Variants in UNC13C observed in about 807,000 individuals in gnomAD.
UNC13C encodes protein unc-13 homolog C.
Under a neutral mutation model 245.4 loss-of-function variants are expected in UNC13C, and 174 were observed. That is an observed-to-expected ratio of 0.71 (90% CI 0.63 to 0.80). The LOEUF is 0.80. Ranked by LOEUF, UNC13C falls within the 30% of genes least tolerant of loss-of-function variation. The probability of loss-of-function intolerance (pLI) is 0.00; values close to 1 mark genes in which losing one functional copy is unlikely to be tolerated. For synonymous variants in UNC13C, 992 were observed against 895.1 expected (o/e 1.11, Z -1.93); for missense variants, 2,829 against 2,602.9 (o/e 1.09, Z -1.89).
the UNC13C span, among the ~76,000 whole-genome samples, chr15:53,924,240 CAAAA>C: frequency 2.8e-5 from 4 of 141,884 alleles, no homozygotes; most frequent in African/African-American, 9.9e-5. Context: ...AAAACAAAAA[CAAAA>C]AAAGAGATAG....
chr15:54,354,084 C>T (rs7172089), intron 17 of UNC13C, among the ~76,000 whole-genome samples: 69,895 of 151,868 alleles, frequency 0.46, 16,423 homozygotes, highest in East Asian at 0.73. Context: ...GAAATCAAAC[C>T]CACCTGGATT....
chr15:53,964,353 T>C, the UNC13C span, among the ~76,000 whole-genome samples: 2 of 152,206 alleles, frequency 1.3e-5, no homozygotes, highest in South Asian at 2.1e-4. Flanking sequence ...GAATACTGTA[T>C]GGAAGTAGGC....
At chr15:54,054,166 A>G (rs1353556896) in intron 2 of UNC13C, among the ~76,000 whole-genome samples, 4 of 152,284 alleles carry the variant, frequency 2.6e-5, no homozygotes, top group Non-Finnish European at 4.4e-5. Flanking sequence ...GGAGTATATC[A>G]TAGCTCTATT....
At chr15:54,447,254 C>G (rs1485416853) in intron 19 of UNC13C, among the ~76,000 whole-genome samples, 1 of 148,802 alleles carries the variant, frequency 6.7e-6, no homozygotes, top group Admixed American at 6.7e-5. Flanking sequence ...AAAATTCTCT[C>G]TGCCAGGCTT....
At chr15:54,468,407 G>A (rs1168210685) in intron 19 of UNC13C, among the ~76,000 whole-genome samples, 4 of 151,594 alleles carry the variant, frequency 2.6e-5, no homozygotes, top group African/African-American at 4.8e-5. Context: ...TCCATGGGTT[G>A]TCTCTTCACT....
chr15:54,479,337 C>G (rs1370754894), intron 19 of UNC13C, among the ~76,000 whole-genome samples: 1 of 151,916 alleles, frequency 6.6e-6, no homozygotes, highest in East Asian at 1.9e-4. Flanking sequence ...TAATGTTCTT[C>G]TTTTTCTCTT....
chr15:54,377,561 TATAAG>T (rs2039632790), intron 17 of UNC13C, among the ~76,000 whole-genome samples: 1 of 152,236 alleles, frequency 6.6e-6, no homozygotes, highest in South Asian at 2.1e-4. Context: ...TTCAGACTGT[TATAAG>T]AAAAGTCCTT....
At chr15:54,576,912 T>C (rs1897979623) in intron 30 of UNC13C, among the ~76,000 whole-genome samples, 1 of 152,232 alleles carries the variant, frequency 6.6e-6, no homozygotes, top group Non-Finnish European at 1.5e-5. Flanking sequence ...TAGTGAGTTA[T>C]AGAACAAATG....
intron 4 of UNC13C, among the ~76,000 whole-genome samples, chr15:54,224,260 G>A (rs1315175386): frequency 6.6e-6 from 1 of 152,102 alleles, no homozygotes; most frequent in Non-Finnish European, 1.5e-5. Context: ...TATGTTACTA[G>A]CTGTGTGTCT....
At chr15:54,261,406 G>A (rs940118927) in intron 8 of UNC13C, among the ~76,000 whole-genome samples, 1 of 152,184 alleles carries the variant, frequency 6.6e-6, no homozygotes, top group African/African-American at 2.4e-5. Context: ...GCAATGGAAA[G>A]TACTTGTAAA....
chr15:54,175,448 C>T (rs1359001043), intron 4 of UNC13C, among the ~76,000 whole-genome samples: 1 of 151,722 alleles, frequency 6.6e-6, no homozygotes, highest in Non-Finnish European at 1.5e-5. Context: ...CAAATGAATC[C>T]TCTTTCCAGT....
chr15:54,479,719 G>GTT (rs60941471), intron 19 of UNC13C, among the ~76,000 whole-genome samples: 10 of 149,394 alleles, frequency 6.7e-5, no homozygotes, highest in Admixed American at 5.3e-4. Context: ...ATTCCTTTTA[G>GTT]TTTTTTTTTC....
intron 25 of UNC13C, among the ~76,000 whole-genome samples, chr15:54,527,197 T>C (rs185531420): frequency 4.3e-4 from 65 of 152,320 alleles, no homozygotes; most frequent in Middle Eastern, 3.4e-3. Context: ...TGGAGAAACA[T>C]AGATTGTTCC....
intron 10 of UNC13C, among the ~76,000 whole-genome samples, chr15:54,265,973 C>T (rs573078160): frequency 2.2e-4 from 34 of 152,044 alleles, no homozygotes; most frequent in East Asian, 3.9e-4. Flanking sequence ...GCACATTCCA[C>T]GAGGGCATTT....
intron 2 of UNC13C, among the ~76,000 whole-genome samples, chr15:54,097,685 T>TAGTAGTAATTCATCC (rs1185096989): frequency 1.8e-4 from 27 of 152,194 alleles, no homozygotes; most frequent in Non-Finnish European, 3.2e-4. Context: ...GTAATTCATC[T>TAGTAGTAATTCATCC]AGTAGTAATT....
At chr15:54,396,192 C>T (rs912078602) in intron 18 of UNC13C, among the ~76,000 whole-genome samples, 144 of 151,660 alleles carry the variant, frequency 9.5e-4, no homozygotes, top group African/African-American at 3.2e-3. Context: ...AAAATTATTG[C>T]TATTTTCAAA....
chr15:54,419,973 T>A (rs1009258113), intron 19 of UNC13C, among the ~76,000 whole-genome samples: 1 of 152,082 alleles, frequency 6.6e-6, no homozygotes, highest in Non-Finnish European at 1.5e-5. Context: ...TCTTTCTCTC[T>A]CCCTCTTACA....
At chr15:53,980,190 C>T (rs1473306151) in intron 1 of UNC13C, among the ~76,000 whole-genome samples, 2 of 152,148 alleles carry the variant, frequency 1.3e-5, no homozygotes, top group Non-Finnish European at 2.9e-5. Context: ...AACTATAAAC[C>T]TCATTTTTGC....
the UNC13C span, among the ~76,000 whole-genome samples, chr15:53,904,411 A>T: frequency 6.6e-6 from 1 of 152,326 alleles, no homozygotes; most frequent in East Asian, 1.9e-4. Context: ...AATCTCATTT[A>T]CATTTCTATC....
Sources: gnomAD v4.1 joint callset for allele counts (sites outside exome capture counted in the v4.1 genomes callset) on GRCh38, gnomAD v4.1.1 for gene constraint, MANE v1.5 for transcripts, NCBI Gene and HGNC (gene_info 2026-07-23, HGNC 2026-07-21) for gene names.